The following PLXNA1 variants were observed in gnomAD, a reference collection of about 807,000 sequenced individuals.
PLXNA1 encodes the protein plexin A1, also known as plexin-A1.
A neutral mutation model predicts 191.7 loss-of-function variants in PLXNA1; 77 were observed. The observed-to-expected ratio is 0.40, with a 90% CI of 0.33 to 0.49. PLXNA1 has a LOEUF of 0.49. PLXNA1 is among the 20% of genes least tolerant of loss of function. The probability of loss-of-function intolerance (pLI) is 0.63; values close to 1 mark genes in which losing one functional copy is unlikely to be tolerated. For missense variants in PLXNA1, 2,110 were observed against 2,660.2 expected, an observed-to-expected ratio of 0.79 and a Z score of 4.55; for synonymous variants, 1,137 against 1,156.4, an observed-to-expected ratio of 0.98 and a Z score of 0.34.
chr3:127,000,858 C>G (rs1192012606), intron 3 of PLXNA1, among the ~76,000 whole-genome samples: 1 of 152,214 alleles, frequency 6.6e-6, no homozygotes, highest in Non-Finnish European at 1.5e-5. Context: ...CATCCATCCT[C>G]TGGTCTGGTG....
rs550938600 is a variant in PLXNA1 at position 127,028,035 on chromosome 3, C to T, written c.4458C>T (p.Tyr1486=). The T allele has an allele frequency of 2.7e-5, 43 of 1,614,074 alleles. No individual in the cohort carries two copies. The South Asian group carries it at 4.2e-4, about 16-fold the overall frequency. The stretch of plus-strand genomic sequence containing the variant: ...ACGCCATCACGGGTGAGGCACGCTA[C>T]TCCCTGAGTGAGGACAAGCTCATCC... ...PIDAITGEAR[Y]SLSEDKLIRQ... Residue 1486 remains tyrosine (Y), a synonymous_variant, in exon 24 of 32, where the codon TAC becomes TAT. Transcript: ENST00000393409.
intron 4 of PLXNA1, among the ~76,000 whole-genome samples, chr3:127,003,684 C>T (rs978867582): frequency 6.6e-6 from 1 of 152,234 alleles, no homozygotes; most frequent in South Asian, 2.1e-4. Context: ...CCAGGGGCCC[C>T]ACAGCCTCAT....
At chr3:127,007,974 A>G in intron 9 of PLXNA1, 61 bp downstream of exon 9, 1 of 1,163,272 alleles carries the variant, frequency 8.6e-7, no homozygotes, top group Non-Finnish European at 1.3e-6. Flanking sequence ...GGGTTGAGAC[A>G]TCCCATCTGG....
chr3:127,036,089 G>T lies in PLXNA1; in HGVS notation c.*2072G>T. On this transcript the variant is annotated 3_prime_UTR_variant, in exon 32 of 32. Transcript: ENST00000393409. ...TTTTCAGTAGCCCCTAGCATTGGCTGGGATTCCTGTTCCTGGGTGCGCCTC... is the reference window on the plus strand; with the variant it reads ...TTTTCAGTAGCCCCTAGCATTGGCTTGGATTCCTGTTCCTGGGTGCGCCTC... 1 of 152,892 alleles carries T rather than the reference G, an allele frequency of 6.5e-6. No individual in the cohort carries two copies. The allele number at this position is 152,892 out of a possible 1,614,324, so 9.5% of individuals were successfully genotyped here. A position where few individuals can be genotyped will look rare whatever the true frequency, so the allele number is the denominator to read the frequency against.
chr3:127,001,676 CT>C (rs1162622693), intron 3 of PLXNA1, among the ~76,000 whole-genome samples: 2 of 152,274 alleles, frequency 1.3e-5, no homozygotes, highest in African/African-American at 4.8e-5. Flanking sequence ...CCCCCACTCC[CT>C]GGTGGCTGTC....
Position 127,034,370 on chromosome 3 carries a change from A to C in PLXNA1, c.*353A>C. ...CTGAGGGGTGAGGCCAGGGCCCTCCAGGGGGAGGGGTAGCCAGCTTGGGCT... is the reference window on the plus strand; with the variant it reads ...CTGAGGGGTGAGGCCAGGGCCCTCCCGGGGGAGGGGTAGCCAGCTTGGGCT... On this transcript the variant is annotated 3_prime_UTR_variant, in exon 32 of 32. Coordinates refer to ENST00000393409, the MANE Select transcript of PLXNA1 (RefSeq NM_032242.4). The C allele has an allele frequency of 5.0e-6, 1 of 201,506 alleles. No individual in the cohort carries two copies. 12.5% of individuals were successfully genotyped at this position (201,506 alleles called of 1,614,324 possible).
chr3:127,020,388 C>T, intron 21 of PLXNA1, 44 bp downstream of exon 21: 2 of 1,599,764 alleles, frequency 1.3e-6, no homozygotes, highest in Non-Finnish European at 1.7e-6. Flanking sequence ...TCAGAGGCAG[C>T]TGCTATCTTC....
intron 1 of PLXNA1, among the ~76,000 whole-genome samples, chr3:126,984,395 C>T (rs1022711865): frequency 6.6e-6 from 1 of 152,234 alleles, no homozygotes; most frequent in Non-Finnish European, 1.5e-5. Context: ...TCACACGTAG[C>T]CGGTTTGGGG....
chr3:127,003,451 A>G lies in PLXNA1; in HGVS notation c.1499A>G (p.Tyr500Cys). The G allele has an allele frequency of 1.2e-6, 2 of 1,610,258 alleles. No individual in the cohort carries two copies. Among genetic ancestry groups the G allele is most frequent in the African/African-American group, 1.3e-5 (1 of 74,940 alleles). The change falls in exon 4 of 32, where the codon TAC (tyrosine) becomes TGC (cysteine). Residue 500 changes from tyrosine (Y) to cysteine (C), a missense_variant. Coordinates refer to ENST00000393409, the MANE Select transcript of PLXNA1 (RefSeq NM_032242.4). The part of the protein sequence containing the change: ...LVLSPNHQYL[Y>C]AMTEKQVTRV... Reference sequence around the variant, plus strand: ...CTCAGCCCCAACCACCAGTACCTCTACGCCATGACCGAGAAGCAGGTGGGT... The same window carrying G: ...CTCAGCCCCAACCACCAGTACCTCTGCGCCATGACCGAGAAGCAGGTGGGT...
Position 127,001,504 on chromosome 3 carries a change from C to T in PLXNA1, c.1378-1826C>T, listed in dbSNP as rs1234189895. 9.9e-5 allele frequency among the ~76,000 whole-genome samples: 15 copies of T among 152,174 alleles called. No homozygotes were observed. The East Asian group carries it at 1.9e-3, about 20-fold the overall frequency. On this transcript the variant is annotated intron_variant, in intron 3 of 31. Transcript: ENST00000393409. ...GGGGAGCTGGGGCTGGGCTTCACAG[C>T]GGGAAGCCGCTGGGGATATCCACAG...
intron 1 of PLXNA1, among the ~76,000 whole-genome samples, chr3:126,986,607 G>C (rs1486740835): frequency 2.0e-5 from 3 of 152,208 alleles, no homozygotes; most frequent in Non-Finnish European, 4.4e-5. Flanking sequence ...TGGGTCCCTG[G>C]CTTGGCTTGG....
rs370434411 is a variant in PLXNA1, at chr3:126,991,517, G to A, written c.1328G>A (p.Arg443Gln). Residue 443 changes from arginine to glutamine, a missense_variant, in exon 3 of 32, where the codon CGG (arginine) becomes CAG (glutamine). Transcript: ENST00000393409. ...GLTAVAAYDY[R>Q]GRTVVFAGTR... Reference sequence around the variant, plus strand: ...ACCGCCGTGGCTGCCTATGACTATCGGGGCCGCACTGTGGTATTCGCCGGC... The same window carrying A: ...ACCGCCGTGGCTGCCTATGACTATCAGGGCCGCACTGTGGTATTCGCCGGC... 1.2e-4 allele frequency: 190 copies of A among 1,610,502 alleles called. No individual in the cohort carries two copies. The highest frequency in any genetic ancestry group is 1.7e-4 in the Middle Eastern group (1 of 6,040).
At chr3:126,994,839 C>T (rs932252309) in intron 3 of PLXNA1, among the ~76,000 whole-genome samples, 19 of 152,094 alleles carry the variant, frequency 1.2e-4, no homozygotes, top group Non-Finnish European at 2.4e-4. Flanking sequence ...TGGGAGAGGC[C>T]GGGCCCCGGG....
Position 126,986,917 on chromosome 3 carries a change from G to A in PLXNA1, c.-73-1604G>A, listed in dbSNP as rs1042371348. Among the ~76,000 whole-genome samples the A allele has an allele frequency of 2.0e-5, 3 of 152,146 alleles. No individual in the cohort carries two copies. The South Asian group carries it at 6.2e-4, about 32-fold the overall frequency. ...CTCAGCTTCCCCATCTGTAAAATGG[G>A]GCCAGACCATACAAGGGGTGTCTGG... On this transcript the variant is annotated intron_variant, in intron 1 of 31. Coordinates refer to ENST00000393409, the MANE Select transcript of PLXNA1 (RefSeq NM_032242.4).
intron 1 of PLXNA1, among the ~76,000 whole-genome samples, chr3:126,985,730 C>G (rs1361893820): frequency 6.6e-6 from 1 of 152,250 alleles, no homozygotes; most frequent in African/African-American, 2.4e-5. Flanking sequence ...GAGTTGAGCC[C>G]TGCAGGCTGG....
intron 29 of PLXNA1, 116 bp from the exon 30 acceptor site, chr3:127,032,271 C>A: frequency 1.9e-6 from 2 of 1,056,758 alleles, no homozygotes; most frequent in Non-Finnish European, 2.8e-6. Flanking sequence ...GGCCTCGTTT[C>A]CCCGTCTGCA....
intron 3 of PLXNA1, among the ~76,000 whole-genome samples, chr3:126,994,026 C>T (rs1188092954): frequency 6.6e-6 from 1 of 152,166 alleles, no homozygotes; most frequent in African/African-American, 2.4e-5. Context: ...TCGTACCATG[C>T]GGACCTGGCA....
chr3:127,017,157 A>G (rs1293737458), intron 17 of PLXNA1, 120 bp downstream of exon 17: 1 of 1,062,230 alleles, frequency 9.4e-7, no homozygotes, highest in Non-Finnish European at 1.4e-6. Context: ...AGCTTATGCC[A>G]ACCTTGGCTG....
chr3:126,984,272 C>G (rs1442217874), intron 1 of PLXNA1, among the ~76,000 whole-genome samples: 1 of 152,178 alleles, frequency 6.6e-6, no homozygotes. Flanking sequence ...GGTTCTGGGG[C>G]CACGCCCCTT....
Sources: gnomAD v4.1 joint callset for allele counts (sites outside exome capture counted in the v4.1 genomes callset) on GRCh38, gnomAD v4.1.1 for gene constraint, MANE v1.5 for transcripts, NCBI Gene and HGNC (gene_info 2026-07-23, HGNC 2026-07-21) for gene names.